The following NDNF variants were observed in gnomAD, a reference collection of about 807,000 sequenced individuals.
The protein encoded by NDNF is neuron derived neurotrophic factor, also known as protein NDNF.
In NDNF, 16 loss-of-function variants were observed where a neutral mutation model predicts 42.0. The ratio of observed to expected loss-of-function variants is 0.38; its 90% confidence interval spans 0.26 to 0.58. The LOEUF (loss-of-function observed/expected upper bound fraction) is 0.58. Ranked by LOEUF, NDNF falls within the 20% of genes least tolerant of loss-of-function variation. NDNF has a pLI of 0.67. For missense variants in NDNF, 616 were observed against 666.2 expected (o/e 0.92, Z 0.83); for synonymous variants, 248 against 251.7 (o/e 0.99, Z 0.14).
Position 121,040,073 on chromosome 4 carries a change from CTTT to C in NDNF, c.189-22_189-20del, listed in dbSNP as rs1726970725. ...GAAATACCTGTGGGAAAGTGGACCA[CTTT>C]AGACCGTGGTAATTCTTTCTAACAT... On this transcript the variant is annotated intron_variant, in intron 2 of 3. Coordinates refer to ENST00000379692, the MANE Select transcript of NDNF (RefSeq NM_024574.4). 6.2e-7 allele frequency: 1 copy of C among 1,607,308 alleles called. No individual in the cohort carries two copies. The highest frequency in any genetic ancestry group is 8.5e-7 in the Non-Finnish European group (1 of 1,177,222).
chr4:121,061,509 A>G (rs960787682), intron 1 of NDNF: 1 of 152,120 alleles, frequency 6.6e-6, no homozygotes, highest in African/African-American at 2.4e-5. Context: ...AAGAATAAAC[A>G]TATCATTTCC....
At chr4:121,041,499 G>T (rs540907614) in intron 2 of NDNF, among the ~76,000 whole-genome samples, 2 of 152,158 alleles carry the variant, frequency 1.3e-5, no homozygotes, top group Admixed American at 6.5e-5. Flanking sequence ...GTGCTTGAAC[G>T]TCTCTTTTCT....
chr4:121,041,343 T>C (rs1029474502), intron 2 of NDNF, among the ~76,000 whole-genome samples: 1 of 152,192 alleles, frequency 6.6e-6, no homozygotes, highest in Non-Finnish European at 1.5e-5. Flanking sequence ...CTCCTGTGGA[T>C]TGAACCTCCT....
chr4:121,067,435 T>C (rs1471153061), intron 1 of NDNF, among the ~76,000 whole-genome samples: 1 of 152,200 alleles, frequency 6.6e-6, no homozygotes, highest in Non-Finnish European at 1.5e-5. Flanking sequence ...CCAAGACCTA[T>C]TAACTAACTT....
chr4:121,039,970 G>C lies in NDNF; in HGVS notation c.273C>G (p.Ser91Arg), dbSNP rs772455118. Residue 91 changes from serine (S) to arginine (R), a missense_variant, in exon 3 of 4, where the codon AGC becomes AGG. Ser to Arg is a moderately radical substitution (Grantham distance 110, BLOSUM62 -1). Coordinates refer to ENST00000379692, the MANE Select transcript of NDNF (RefSeq NM_024574.4). ...TCCTGTCCTCTGGCAGCTCCTGGAG[G>C]CTCAGCTTCCACTCCAAAGGCGCAT... is the stretch of plus-strand genomic sequence containing the variant. ...PCDAPLEWKL[S>R]LQELPEDRSG... 1 of 1,614,042 alleles carries C rather than the reference G, an allele frequency of 6.2e-7. No homozygotes were observed. The highest frequency in any genetic ancestry group is 1.3e-5 in the African/African-American group (1 of 75,022).
rs750545547 is a variant in NDNF, at chr4:121,069,271, T to C, written c.-2+2722A>G. On this transcript the variant is annotated intron_variant, in intron 1 of 3. Coordinates refer to ENST00000379692, the MANE Select transcript of NDNF (RefSeq NM_024574.4). ...TGTTGTGACAATAGTCTTTACTCTTTAACATTCATACTTCACCATATGAAT... is the reference window on the plus strand; with the variant it reads ...TGTTGTGACAATAGTCTTTACTCTTCAACATTCATACTTCACCATATGAAT... Among the ~76,000 whole-genome samples the C allele has an allele frequency of 1.6e-3, 242 of 152,358 alleles. 1 individual carries two copies. Among genetic ancestry groups the C allele is most frequent in the Non-Finnish European group, 2.1e-3 (143 of 68,036 alleles).
chr4:121,063,458 C>A (rs1560610288), intron 1 of NDNF, among the ~76,000 whole-genome samples: 1 of 152,180 alleles, frequency 6.6e-6, no homozygotes, highest in Admixed American at 6.5e-5. Context: ...TAAACACACA[C>A]ACACACACAC....
intron 1 of NDNF, among the ~76,000 whole-genome samples, chr4:121,060,073 T>C (rs2175399): frequency 0.067 from 10,268 of 152,326 alleles, 458 homozygotes; most frequent in South Asian, 0.24. Flanking sequence ...AACCTCTATT[T>C]AGGGAGAGGT....
intron 1 of NDNF, among the ~76,000 whole-genome samples, chr4:121,071,242 G>A (rs552459216): frequency 6.6e-6 from 1 of 152,106 alleles, no homozygotes; most frequent in Non-Finnish European, 1.5e-5. Flanking sequence ...GCCGTAGGGG[G>A]CGTCACCTCG....
At chr4:121,062,538 T>G (rs1367399627) in intron 1 of NDNF, among the ~76,000 whole-genome samples, 1 of 152,192 alleles carries the variant, frequency 6.6e-6, no homozygotes, top group Admixed American at 6.5e-5. Context: ...TTCAATAGTT[T>G]ATAGCAAATT....
At chr4:121,071,015 G>A (rs1447831311) in intron 1 of NDNF, among the ~76,000 whole-genome samples, 2 of 152,218 alleles carry the variant, frequency 1.3e-5, no homozygotes, top group East Asian at 1.9e-4. Context: ...GCAGAAAGGT[G>A]AACCGAGAGC....
chr4:121,071,577 CA>C (rs1484797550), intron 1 of NDNF: 1 of 152,186 alleles, frequency 6.6e-6, no homozygotes, highest in African/African-American at 2.4e-5. Flanking sequence ...GGCAGGCGGG[CA>C]AAGTAAGTGT....
chr4:121,040,091 C>A (rs760323173), intron 2 of NDNF, 37 bp from the exon 3 acceptor site: 277 of 1,585,556 alleles, frequency 1.7e-4, no homozygotes, highest in Non-Finnish European at 2.3e-4. Flanking sequence ...CGTGGTAATT[C>A]TTTCTAACAT....
intron 1 of NDNF, among the ~76,000 whole-genome samples, chr4:121,066,814 T>A (rs1394542586): frequency 6.6e-6 from 1 of 152,188 alleles, no homozygotes; most frequent in East Asian, 1.9e-4. Context: ...AAAACACATA[T>A]TTGAATATAG....
At chr4:121,061,370 T>C (rs1217263341) in intron 1 of NDNF, 1 of 153,144 alleles carries the variant, frequency 6.5e-6, no homozygotes, top group African/African-American at 2.4e-5. Context: ...GCGATGCACA[T>C]GGAGCAGGGA....
chr4:121,037,157 G>T lies in NDNF; in HGVS notation c.814C>A (p.Pro272Thr), dbSNP rs754784780. 6.2e-7 allele frequency: 1 copy of T among 1,614,008 alleles called. No individual in the cohort carries two copies. The highest frequency in any genetic ancestry group is 8.5e-7 in the Non-Finnish European group (1 of 1,180,000). The change falls in exon 4 of 4, where the codon CCT becomes ACT. Residue 272 changes from proline to threonine, a missense_variant. By Grantham distance (38) the Pro-to-Thr change is conservative (BLOSUM62 -1). Coordinates refer to ENST00000379692, the MANE Select transcript of NDNF (RefSeq NM_024574.4). ...ACATGACGCCCCAGTTTTGGAGAAG[G>T]CTTTGCCTGGAAACTGCGTTCTTTA... is the stretch of plus-strand genomic sequence containing the variant. The part of the protein sequence containing the change: ...SGKERSFQAK[P>T]SPKLGRHVYS...
At position 121,058,909 on chromosome 4, in the gene NDNF, C is replaced by G. The variant is rs557473432; in HGVS notation, c.-1-13071G>C. On this transcript the variant is annotated intron_variant, in intron 1 of 3. Coordinates refer to ENST00000379692, the MANE Select transcript of NDNF (RefSeq NM_024574.4). ...TAAAAGTAAGATGGCTTCCCATTAC[C>G]GAGAGGATGAAGTCTACGGCCCATG... 2.6e-5 allele frequency among the ~76,000 whole-genome samples: 4 copies of G among 151,976 alleles called. No individual in the cohort carries two copies. In the East Asian group the frequency reaches 7.7e-4, roughly 29 times the overall value.
intron 1 of NDNF, among the ~76,000 whole-genome samples, chr4:121,068,006 G>A (rs936787495): frequency 7.2e-5 from 11 of 152,264 alleles, no homozygotes; most frequent in East Asian, 1.9e-4. Context: ...CAAGAAATAC[G>A]TGAAATACAC....
rs116438140 is a variant in NDNF at position 121,050,641 on chromosome 4, A to G, written c.-1-4803T>C. 1.5e-3 allele frequency among the ~76,000 whole-genome samples: 231 copies of G among 152,286 alleles called. 1 individual carries two copies. Among genetic ancestry groups the G allele is most frequent in the African/African-American group, 5.3e-3 (220 of 41,578 alleles). The stretch of plus-strand genomic sequence containing the variant: ...TATCCACAACCCAAAAGAACTTGGT[A>G]GTGTTACTCTGATACTGAAAAAATT... On this transcript the variant is annotated intron_variant, in intron 1 of 3. Coordinates refer to ENST00000379692, the MANE Select transcript of NDNF (RefSeq NM_024574.4).
Sources: allele counts gnomAD v4.1 joint callset (sites outside exome capture counted in the v4.1 genomes callset), GRCh38; gene constraint gnomAD v4.1.1; transcripts MANE v1.5; gene names NCBI Gene and HGNC (gene_info 2026-07-23, HGNC 2026-07-21).